EYS: variants seen among roughly 807,000 people sequenced by gnomAD.
The protein encoded by EYS is protein eyes shut homolog.
EYS carries 250 observed loss-of-function variants against 282.1 expected under a neutral mutation model. That is an observed-to-expected ratio of 0.89 (90% CI 0.80 to 0.98). The LOEUF (loss-of-function observed/expected upper bound fraction) is 0.98. EYS is among the 50% of genes least tolerant of loss of function. The pLI, the probability that EYS is intolerant of heterozygous loss-of-function variation, is 0.00. For synonymous variants in EYS, 1,355 were observed against 1,282.9 expected (o/e 1.06, Z -1.20); for missense variants, 4,016 against 3,709.0 (o/e 1.08, Z -2.15).
At chr6:64,750,303 C>T (rs962382178) in intron 22 of EYS, among the ~76,000 whole-genome samples, 1 of 150,822 alleles carries the variant, frequency 6.6e-6, no homozygotes, top group African/African-American at 2.4e-5. Context: ...GGACATAGAT[C>T]TAAGGAGTAA....
intron 2 of EYS, among the ~76,000 whole-genome samples, chr6:65,583,126 A>C (rs1226649414): frequency 6.6e-6 from 1 of 152,070 alleles, no homozygotes; most frequent in East Asian, 1.9e-4. Context: ...CTATAACTCA[A>C]AGGTACTGTT....
intron 11 of EYS, among the ~76,000 whole-genome samples, chr6:65,321,474 G>T (rs944294211): frequency 6.6e-6 from 1 of 152,102 alleles, no homozygotes; most frequent in Non-Finnish European, 1.5e-5. Context: ...GTTTCTGGGA[G>T]TGTCACTGAT....
intron 2 of EYS, among the ~76,000 whole-genome samples, chr6:65,583,493 AAT>A (rs1425833031): frequency 6.6e-6 from 1 of 152,106 alleles, no homozygotes; most frequent in Non-Finnish European, 1.5e-5. Flanking sequence ...TTCCACTACA[AAT>A]AATATTTTAA....
chr6:63,865,335 C>G (rs1339304781), intron 35 of EYS, among the ~76,000 whole-genome samples: 1 of 152,194 alleles, frequency 6.6e-6, no homozygotes, highest in Non-Finnish European at 1.5e-5. Context: ...TATTGATTAT[C>G]TGGGTACCAG....
chr6:65,517,911 T>C (rs981969604), intron 2 of EYS, among the ~76,000 whole-genome samples: 1 of 152,084 alleles, frequency 6.6e-6, no homozygotes, highest in African/African-American at 2.4e-5. Context: ...TCCAGTGATT[T>C]GGAAGTGGTT....
chr6:64,644,565 T>G (rs1467915021), intron 22 of EYS, among the ~76,000 whole-genome samples: 1 of 152,176 alleles, frequency 6.6e-6, no homozygotes, highest in Non-Finnish European at 1.5e-5. Context: ...ATTACAAAGC[T>G]AATACATTCT....
intron 5 of EYS, among the ~76,000 whole-genome samples, chr6:65,405,729 A>AT (rs1178238523): frequency 3.3e-5 from 5 of 151,922 alleles, no homozygotes; most frequent in Admixed American, 6.6e-5. Context: ...TTGCATAGCA[A>AT]TTTTTTTTAA....
In EYS at chr6:65,571,406, T is replaced by G. The variant is rs1246318667; in HGVS notation, c.-333+68372A>C. Among the ~76,000 whole-genome samples the G allele has an allele frequency of 3.8e-4, 58 of 152,002 alleles. 1 individual carries two copies. Among genetic ancestry groups the G allele is most frequent in the Non-Finnish European group, 4.4e-5 (3 of 67,930 alleles). On this transcript the variant is annotated intron_variant, in intron 2 of 42. Coordinates refer to ENST00000503581, the MANE Select transcript of EYS (RefSeq NM_001142800.2). Reference sequence around the variant, plus strand: ...GATAAAATTACCTTGTGATTTAGAGTCATATACTCTTTCTGGTACAGAGAA... The same window carrying G: ...GATAAAATTACCTTGTGATTTAGAGGCATATACTCTTTCTGGTACAGAGAA...
intron 22 of EYS, among the ~76,000 whole-genome samples, chr6:64,643,760 C>T (rs1429720285): frequency 1.3e-5 from 2 of 152,160 alleles, no homozygotes. Flanking sequence ...GGAGAGTTTC[C>T]TTGCACAAGC....
At chr6:64,577,188 CAA>C (rs1765909636) in intron 26 of EYS, among the ~76,000 whole-genome samples, 1 of 152,058 alleles carries the variant, frequency 6.6e-6, no homozygotes, top group Non-Finnish European at 1.5e-5. Context: ...AATTGTGAGA[CAA>C]TAAATCTCTG....
chr6:65,362,922 A>C (rs1229955930), intron 8 of EYS, among the ~76,000 whole-genome samples: 1 of 152,060 alleles, frequency 6.6e-6, no homozygotes, highest in Non-Finnish European at 1.5e-5. Flanking sequence ...GTTATGGGAA[A>C]TCTTTAGAGA....
intron 23 of EYS, among the ~76,000 whole-genome samples, chr6:64,621,532 A>T (rs1226058484): frequency 6.6e-6 from 1 of 152,140 alleles, no homozygotes; most frequent in Non-Finnish European, 1.5e-5. Flanking sequence ...CTTTTATCTC[A>T]TAATAAGGAT....
chr6:65,119,385 C>T (rs1775462626), intron 12 of EYS, among the ~76,000 whole-genome samples: 1 of 152,232 alleles, frequency 6.6e-6, no homozygotes, highest in South Asian at 2.1e-4. Context: ...AACCTTAACA[C>T]AAAGAGAAAC....
intron 29 of EYS, among the ~76,000 whole-genome samples, chr6:64,350,711 C>T (rs562605048): frequency 6.6e-6 from 1 of 151,728 alleles, no homozygotes; most frequent in East Asian, 2.0e-4. Context: ...TCAAATGCCA[C>T]ATTTGTCTGT....
chr6:65,199,240 A>G (rs1253458462), intron 12 of EYS, among the ~76,000 whole-genome samples: 1 of 152,104 alleles, frequency 6.6e-6, no homozygotes, highest in Admixed American at 6.6e-5. Context: ...TTGTGTAACC[A>G]TGGACTTGGA....
chr6:65,450,743 G>A (rs1764368372), intron 5 of EYS, among the ~76,000 whole-genome samples: 1 of 152,160 alleles, frequency 6.6e-6, no homozygotes, highest in South Asian at 2.1e-4. Context: ...TAAGACCAGT[G>A]GCAATAGGAT....
intron 13 of EYS, among the ~76,000 whole-genome samples, chr6:65,004,511 A>G (rs980366407): frequency 6.8e-6 from 1 of 147,638 alleles, no homozygotes; most frequent in African/African-American, 2.4e-5. Flanking sequence ...ATTGACATTG[A>G]TCTCACAGCG....
At chr6:64,554,245 G>T (rs531297944) in intron 26 of EYS, among the ~76,000 whole-genome samples, 81 of 152,110 alleles carry the variant, frequency 5.3e-4, no homozygotes, top group African/African-American at 1.9e-3. Context: ...AATTGAAATT[G>T]TAATGCCATT....
intron 33 of EYS, among the ~76,000 whole-genome samples, chr6:64,021,740 C>T (rs1157585242): frequency 1.3e-5 from 2 of 152,008 alleles, no homozygotes; most frequent in Non-Finnish European, 2.9e-5. Context: ...AAGTCTCCCT[C>T]CCACCCCATC....
Sources: allele counts gnomAD v4.1 joint callset (sites outside exome capture counted in the v4.1 genomes callset), GRCh38; gene constraint gnomAD v4.1.1; transcripts MANE v1.5; gene names NCBI Gene and HGNC (gene_info 2026-07-23, HGNC 2026-07-21).